ADAM10: variants seen among roughly 807,000 people sequenced by gnomAD.
ADAM10 encodes the protein ADAM metallopeptidase domain 10.
ADAM10 carries 17 observed loss-of-function variants against 90.1 expected under a neutral mutation model. The observed-to-expected ratio is 0.19, with a 90% confidence interval of 0.13 to 0.28. The LOEUF (loss-of-function observed/expected upper bound fraction) is 0.28. Ranked by LOEUF, ADAM10 falls within the 10% of genes least tolerant of loss-of-function variation. The pLI is 1.00. For synonymous variants in ADAM10, 310 were observed against 298.6 expected, an observed-to-expected ratio of 1.04 and a Z score of -0.40; for missense variants, 610 against 914.3, an observed-to-expected ratio of 0.67 and a Z score of 4.29.
chr15:58,621,729 G>T, intron 10 of ADAM10, 108 bp from the exon 11 acceptor site: 4 of 1,369,090 alleles, frequency 2.9e-6, no homozygotes, highest in Non-Finnish European at 4.1e-6. Context: ...GGAAAACTTT[G>T]ATGAATAAGT....
chr15:58,727,928 A>C (rs1444479165), intron 1 of ADAM10, among the ~76,000 whole-genome samples: 1 of 152,132 alleles, frequency 6.6e-6, no homozygotes, highest in Non-Finnish European at 1.5e-5. Flanking sequence ...AAAAAAGCAG[A>C]CTCTGTAACT....
chr15:58,636,693 T>C (rs569081378), intron 8 of ADAM10, among the ~76,000 whole-genome samples: 35 of 152,042 alleles, frequency 2.3e-4, no homozygotes, highest in Non-Finnish European at 4.7e-4. Context: ...AGAGTATCTG[T>C]CCTAAACTTC....
At chr15:58,674,810 C>T (rs552486310) in intron 4 of ADAM10, among the ~76,000 whole-genome samples, 17 of 152,120 alleles carry the variant, frequency 1.1e-4, no homozygotes, top group East Asian at 1.9e-4. Flanking sequence ...GGAGGTCTTC[C>T]CATTGAAGCA....
In ADAM10 at chr15:58,594,348, A is replaced by T. The variant is rs115634583; in HGVS notation, c.*3199T>A. On this transcript the variant is annotated 3_prime_UTR_variant, in exon 16 of 16. Coordinates refer to ENST00000260408, the MANE Select transcript of ADAM10 (RefSeq NM_001110.4). The stretch of plus-strand genomic sequence containing the variant: ...CCCCGAAATTTCATAGTTGCCAAGG[A>T]CACCAATCCCATCTTTAAGAAATAA... The T allele has an allele frequency of 2.5e-3, 378 of 152,342 alleles. 1 individual carries two copies. Among genetic ancestry groups the T allele is most frequent in the African/African-American group, 8.6e-3 (357 of 41,562 alleles). The allele number at this position is 152,342 out of a possible 1,614,324, so 9.4% of individuals were successfully genotyped here.
At chr15:58,660,184 C>CT (rs377251262) in intron 5 of ADAM10, among the ~76,000 whole-genome samples, 1 of 151,872 alleles carries the variant, frequency 6.6e-6, no homozygotes, top group Non-Finnish European at 1.5e-5. Context: ...ATTTTCTTTT[C>CT]TTTTTTTTCT....
At chr15:58,637,329 C>T (rs922016158) in intron 8 of ADAM10, among the ~76,000 whole-genome samples, 7 of 152,044 alleles carry the variant, frequency 4.6e-5, no homozygotes, top group East Asian at 1.9e-4. Flanking sequence ...ACGACCAAGC[C>T]GAACTGAGAC....
chr15:58,687,063 T>A (rs1371330800), intron 2 of ADAM10, among the ~76,000 whole-genome samples: 1 of 152,368 alleles, frequency 6.6e-6, no homozygotes, highest in Admixed American at 6.5e-5. Flanking sequence ...CATAAAAAAT[T>A]TGTTCTTTTC....
At chr15:58,668,853 C>T (rs74017267) in intron 4 of ADAM10, among the ~76,000 whole-genome samples, 4,294 of 152,100 alleles carry the variant, frequency 0.028, 144 homozygotes, top group East Asian at 0.083. Flanking sequence ...AAAGGTCATC[C>T]ATTAACCAAA....
In ADAM10 at chr15:58,679,356, A is replaced by G. The variant is rs567205591; in HGVS notation, c.326-74T>C. On this transcript the variant is annotated intron_variant, in intron 3 of 15. Coordinates refer to ENST00000260408, the MANE Select transcript of ADAM10 (RefSeq NM_001110.4). The stretch of plus-strand genomic sequence containing the variant: ...GTTAAATTCATTCATATATATGTAT[A>G]TATGTGTGTATATATATACACACAT... 37 of 1,255,716 alleles carry G rather than the reference A, an allele frequency of 2.9e-5. 1 individual carries two copies. The East Asian group carries it at 4.7e-4, about 16-fold the overall frequency. The allele number at this position is 1,255,716 out of a possible 1,614,324, so 77.8% of individuals were successfully genotyped here. A position where few individuals can be genotyped will look rare whatever the true frequency, so the allele number is the denominator to read the frequency against.
chr15:58,599,043 A>G (rs1277296346), intron 15 of ADAM10, among the ~76,000 whole-genome samples: 6 of 152,086 alleles, frequency 3.9e-5, no homozygotes, highest in Non-Finnish European at 7.4e-5. Context: ...ACGATAAGAG[A>G]GCTGGGTGCA....
At chr15:58,632,542 C>T (rs569068537) in intron 9 of ADAM10, among the ~76,000 whole-genome samples, 9 of 152,200 alleles carry the variant, frequency 5.9e-5, no homozygotes, top group Non-Finnish European at 1.2e-4. Flanking sequence ...AAACCAAACA[C>T]TGCCCCTGAA....
In ADAM10 at chr15:58,741,075, A is replaced by T. The variant is rs926067497; in HGVS notation, c.55+8405T>A. On this transcript the variant is annotated intron_variant, in intron 1 of 15. Coordinates refer to ENST00000260408, the MANE Select transcript of ADAM10 (RefSeq NM_001110.4). Reference sequence around the variant, plus strand: ...ATTAATACCCCATCAAATCATAGAGAATTCTATGTGTTCTTTTGAAAGCTA... The same window carrying T: ...ATTAATACCCCATCAAATCATAGAGTATTCTATGTGTTCTTTTGAAAGCTA... Among the ~76,000 whole-genome samples the T allele has an allele frequency of 3.3e-5, 5 of 152,322 alleles. No homozygotes were observed. In the East Asian group the frequency reaches 9.6e-4, roughly 29 times the overall value.
At chr15:58,614,388 T>A (rs1895543214) in intron 11 of ADAM10, among the ~76,000 whole-genome samples, 1 of 151,962 alleles carries the variant, frequency 6.6e-6, no homozygotes, top group Non-Finnish European at 1.5e-5. Flanking sequence ...AGTCAAATTG[T>A]CAAAAGTCAA....
At chr15:58,646,702 T>C (rs1896556933) in intron 5 of ADAM10, among the ~76,000 whole-genome samples, 1 of 152,226 alleles carries the variant, frequency 6.6e-6, no homozygotes, top group South Asian at 2.1e-4. Context: ...TATTGCAATG[T>C]TTTCAAAACG....
chr15:58,649,137 T>C (rs1283918141), intron 5 of ADAM10, among the ~76,000 whole-genome samples: 1 of 152,158 alleles, frequency 6.6e-6, no homozygotes. Flanking sequence ...TCAATAGTCT[T>C]CTTTAACTTC....
chr15:58,695,824 T>A (rs2140781603), intron 2 of ADAM10, among the ~76,000 whole-genome samples: 1 of 152,028 alleles, frequency 6.6e-6, no homozygotes, highest in South Asian at 2.1e-4. Flanking sequence ...CTATTACAAA[T>A]ATAAAAATTA....
intron 14 of ADAM10, among the ~76,000 whole-genome samples, chr15:58,600,565 T>C (rs1197677275): frequency 1.3e-5 from 2 of 152,144 alleles, no homozygotes; most frequent in South Asian, 2.1e-4. Context: ...AGAAGATACA[T>C]ATTTTAGCAG....
Position 58,679,199 on chromosome 15 carries a change from C to T in ADAM10, c.409G>A (p.Val137Ile), listed in dbSNP as rs200636336. ...FIQTRGGTFY[V>I]EPAERYIKDR... ...TTAATATATCTCTCTGCTGGCTCAA[C>T]ATAAAATGTGCCACCACGAGTCTGG... The change falls in exon 4 of 16, where the codon GTT becomes ATT. Residue 137 changes from valine to isoleucine, a missense_variant. Physicochemically the swap from Val to Ile is conservative, Grantham distance 29 (BLOSUM62 3). Coordinates refer to ENST00000260408, the MANE Select transcript of ADAM10 (RefSeq NM_001110.4). 73 of 1,613,930 alleles carry T rather than the reference C, an allele frequency of 4.5e-5. No individual in the cohort carries two copies. Among genetic ancestry groups the T allele is most frequent in the Middle Eastern group, 3.3e-4 (2 of 6,082 alleles).
intron 5 of ADAM10, among the ~76,000 whole-genome samples, chr15:58,650,247 A>G (rs1000304013): frequency 6.6e-6 from 1 of 152,128 alleles, no homozygotes; most frequent in Non-Finnish European, 1.5e-5. Flanking sequence ...TACTGGTTAC[A>G]TTGAACTGAG....
Sources: allele counts gnomAD v4.1 joint callset (sites outside exome capture counted in the v4.1 genomes callset), GRCh38; gene constraint gnomAD v4.1.1; transcripts MANE v1.5; gene names NCBI Gene and HGNC (gene_info 2026-07-23, HGNC 2026-07-21).